Variants in ARHGAP10 observed in about 807,000 individuals in gnomAD.
ARHGAP10 encodes the protein Rho GTPase activating protein 10, also known as rho GTPase-activating protein 10.
A neutral mutation model predicts 108.6 loss-of-function variants in ARHGAP10; 87 were observed. The ratio of observed to expected loss-of-function variants is 0.80; its 90% CI spans 0.67 to 0.96. The LOEUF (loss-of-function observed/expected upper bound fraction) is 0.96. Ranked by LOEUF, ARHGAP10 falls within the 40% of genes least tolerant of loss-of-function variation. The probability of loss-of-function intolerance (pLI) is 0.00; values close to 1 mark genes in which losing one functional copy is unlikely to be tolerated. For synonymous variants in ARHGAP10, 347 were observed against 341.1 expected, an observed-to-expected ratio of 1.02 and a Z score of -0.19; for missense variants, 939 against 954.5, an observed-to-expected ratio of 0.98 and a Z score of 0.21.
intron 16 of ARHGAP10, among the ~76,000 whole-genome samples, chr4:147,961,449 G>A (rs1354344666): frequency 1.3e-5 from 2 of 151,974 alleles, no homozygotes; most frequent in African/African-American, 4.8e-5. Flanking sequence ...TGTTTCTTAT[G>A]TATATATGTA....
chr4:147,925,140 G>A (rs1236340881), intron 13 of ARHGAP10, among the ~76,000 whole-genome samples: 1 of 152,104 alleles, frequency 6.6e-6, no homozygotes, highest in East Asian at 1.9e-4. Context: ...GATATCCTGA[G>A]CAGTAAAATA....
chr4:147,973,671 T>TC (rs1280059809), intron 18 of ARHGAP10, among the ~76,000 whole-genome samples: 50 of 151,170 alleles, frequency 3.3e-4, no homozygotes, highest in African/African-American at 1.1e-3. Context: ...CCATCCCTGC[T>TC]CCCCCCGCCA....
At chr4:147,882,939 G>A (rs1305052311) in intron 10 of ARHGAP10, among the ~76,000 whole-genome samples, 1 of 152,156 alleles carries the variant, frequency 6.6e-6, no homozygotes. Flanking sequence ...AGGTAAGGCT[G>A]TTCTATGTTT....
Position 147,732,456 on chromosome 4 carries a change from G to A in ARHGAP10, c.154+1G>A. 2.5e-6 allele frequency: 4 copies of A among 1,611,098 alleles called. No homozygotes were observed. The South Asian group carries it at 4.4e-5, about 18-fold the overall frequency. Reference sequence around the variant, plus strand: ...AAGAACCTCATCGCTGCGACGAAAAGTAAGCGGGGACGCGGGCGCGGACGG... The same window carrying A: ...AAGAACCTCATCGCTGCGACGAAAAATAAGCGGGGACGCGGGCGCGGACGG... On this transcript the variant is annotated splice_donor_variant, in intron 1 of 22. Coordinates refer to ENST00000336498, the MANE Select transcript of ARHGAP10 (RefSeq NM_024605.4). LOFTEE classifies it high-confidence loss of function.
intron 4 of ARHGAP10, among the ~76,000 whole-genome samples, chr4:147,855,883 A>G (rs1053444163): frequency 4.6e-5 from 7 of 152,182 alleles, no homozygotes; most frequent in Admixed American, 1.3e-4. Flanking sequence ...GTGGTGAAAA[A>G]AGATAAATAA....
intron 1 of ARHGAP10, among the ~76,000 whole-genome samples, chr4:147,775,235 C>T (rs1394278741): frequency 6.6e-6 from 1 of 152,148 alleles, no homozygotes; most frequent in East Asian, 1.9e-4. Context: ...GTGCCCTCAG[C>T]ATTCTCACTC....
rs553347686 is a variant in ARHGAP10 at position 148,043,788 on chromosome 4, G to GTA, written c.1868-3094_1868-3093dup. ...TGTGTATATATATGTATATATATAT[G>GTA]TATATATATATGCATTCATTCCAGA... is the stretch of plus-strand genomic sequence containing the variant. On this transcript the variant is annotated intron_variant, in intron 19 of 22. Transcript: ENST00000336498. Among the ~76,000 whole-genome samples the GTA allele has an allele frequency of 7.7e-4, 110 of 143,500 alleles. 1 individual carries two copies. Among genetic ancestry groups the GTA allele is most frequent in the Non-Finnish European group, 1.4e-3 (91 of 66,160 alleles). The allele number at this position is 143,500 out of a possible 152,430, so 94.1% of individuals were successfully genotyped here. A position where few individuals can be genotyped will look rare whatever the true frequency, so the allele number is the denominator to read the frequency against.
At chr4:147,993,997 A>G (rs1740378236) in intron 18 of ARHGAP10, among the ~76,000 whole-genome samples, 1 of 152,184 alleles carries the variant, frequency 6.6e-6, no homozygotes, top group Admixed American at 6.5e-5. Flanking sequence ...CAAGAAAATG[A>G]AGCTTGGAGA....
At chr4:147,762,854 A>G (rs938291660) in intron 1 of ARHGAP10, among the ~76,000 whole-genome samples, 3 of 151,872 alleles carry the variant, frequency 2.0e-5, no homozygotes, top group Non-Finnish European at 2.9e-5. Context: ...TAACTTGACT[A>G]AGTGGACTGT....
chr4:147,863,941 A>G (rs1734433890), intron 5 of ARHGAP10: 1 of 152,148 alleles, frequency 6.6e-6, no homozygotes, highest in South Asian at 2.1e-4. Flanking sequence ...CACCCTAGTG[A>G]GTGTGAGGTG....
chr4:147,744,391 G>A (rs1051233024), intron 1 of ARHGAP10, among the ~76,000 whole-genome samples: 4 of 151,944 alleles, frequency 2.6e-5, no homozygotes, highest in Non-Finnish European at 4.4e-5. Flanking sequence ...GGGGGTGGGG[G>A]AGGGTCAAGA....
chr4:147,753,092 A>G (rs755944784), intron 1 of ARHGAP10, among the ~76,000 whole-genome samples: 21 of 152,214 alleles, frequency 1.4e-4, no homozygotes, highest in Non-Finnish European at 2.6e-4. Flanking sequence ...AAGACACTGT[A>G]GTCAGTTTTA....
intron 18 of ARHGAP10, among the ~76,000 whole-genome samples, chr4:148,015,183 A>G (rs1002594810): frequency 6.6e-6 from 1 of 152,272 alleles, no homozygotes; most frequent in African/African-American, 2.4e-5. Flanking sequence ...TCTGTAATGC[A>G]TAGGAAATCA....
At chr4:147,880,546 T>C (rs532286328) in intron 9 of ARHGAP10, among the ~76,000 whole-genome samples, 2 of 152,310 alleles carry the variant, frequency 1.3e-5, no homozygotes, top group African/African-American at 2.4e-5. Context: ...GATAAATATG[T>C]TATGGAATAT....
intron 1 of ARHGAP10, among the ~76,000 whole-genome samples, chr4:147,763,617 G>GCCTGGCCTGT (rs1729675879): frequency 6.6e-6 from 1 of 152,042 alleles, no homozygotes; most frequent in African/African-American, 2.4e-5. Context: ...GCCTGGCCTG[G>GCCTGGCCTGT]CCTGGCTGAG....
chr4:147,928,478 A>G (rs767561964), intron 13 of ARHGAP10, among the ~76,000 whole-genome samples: 1 of 152,216 alleles, frequency 6.6e-6, no homozygotes, highest in Non-Finnish European at 1.5e-5. Flanking sequence ...TAATCATCAC[A>G]ATACAGAAAT....
chr4:147,881,917 T>C lies in ARHGAP10; in HGVS notation c.1019T>C (p.Ile340Thr), dbSNP rs989980468. The change falls in exon 10 of 23, where the codon ATA becomes ACA. Residue 340 changes from isoleucine (I) to threonine (T), a missense_variant. Transcript: ENST00000336498. ...ATTGACAGAAGGTTTTGTTTTGACA[T>C]AGAAGCTGCTGATCGGTAAGTTATT... is the stretch of plus-strand genomic sequence containing the variant. ...DSIDRRFCFD[I>T]EAADRPGVSL... is the part of the protein sequence containing the mutation. The C allele has an allele frequency of 1.4e-5, 23 of 1,614,038 alleles. No individual in the cohort carries two copies. The highest frequency in any genetic ancestry group is 6.7e-5 in the Admixed American group (4 of 60,006).
intron 19 of ARHGAP10, among the ~76,000 whole-genome samples, chr4:148,039,685 T>A (rs1161215277): frequency 6.6e-6 from 1 of 152,108 alleles, no homozygotes; most frequent in Non-Finnish European, 1.5e-5. Context: ...TTTTATATGA[T>A]CTGCTTTTTC....
chr4:147,735,682 G>T (rs1278345281), intron 1 of ARHGAP10, among the ~76,000 whole-genome samples: 4 of 152,200 alleles, frequency 2.6e-5, no homozygotes, highest in Non-Finnish European at 5.9e-5. Flanking sequence ...TCGCACATTT[G>T]TGTGTAGGGT....
Sources: gnomAD v4.1 joint callset for allele counts (sites outside exome capture counted in the v4.1 genomes callset) on GRCh38, gnomAD v4.1.1 for gene constraint, MANE v1.5 for transcripts, NCBI Gene and HGNC (gene_info 2026-07-23, HGNC 2026-07-21) for gene names.